Variants in UBP1 observed in about 807,000 individuals in gnomAD.
UBP1 encodes the protein upstream-binding protein 1.
A neutral mutation model predicts 76.1 loss-of-function variants in UBP1; 22 were observed. That is an observed-to-expected ratio of 0.29 (90% CI 0.21 to 0.41). UBP1 has a LOEUF of 0.41. Among genes scored for constraint, UBP1 ranks in the 10% least tolerant of loss-of-function variants. UBP1 has a pLI of 1.00. For missense variants in UBP1, 436 were observed against 668.1 expected, an observed-to-expected ratio of 0.65 and a Z score of 3.83; for synonymous variants, 224 against 237.1, an observed-to-expected ratio of 0.94 and a Z score of 0.51.
At chr3:33,434,159 C>A (rs1018036972) in intron 1 of UBP1, among the ~76,000 whole-genome samples, 7 of 151,964 alleles carry the variant, frequency 4.6e-5, no homozygotes, top group Admixed American at 1.3e-4. Flanking sequence ...GGCGGGGGAA[C>A]CCTAATTTTA....
At chr3:33,390,645 C>CAT (rs1458690449) in intron 15 of UBP1, 2 of 496,306 alleles carry the variant, frequency 4.0e-6, no homozygotes, top group Non-Finnish European at 7.3e-6. Context: ...GGACATCTAT[C>CAT]AAGACACACA....
chr3:33,390,658 A>C, intron 15 of UBP1: 3 of 459,950 alleles, frequency 6.5e-6, no homozygotes, highest in South Asian at 2.6e-5. Context: ...GACACACAAT[A>C]ATAGTGCTGT....
At chr3:33,439,714 C>A in intron 1 of UBP1, 22 bp downstream of exon 1, 1 of 1,609,258 alleles carries the variant, frequency 6.2e-7, no homozygotes, top group African/African-American at 1.3e-5. Context: ...AGAGGCTTCT[C>A]CCCGCCCAGG....
chr3:33,411,090 A>AAAAAAAAAAAAG (rs1559680570), intron 5 of UBP1, among the ~76,000 whole-genome samples: 1 of 151,520 alleles, frequency 6.6e-6, no homozygotes, highest in African/African-American at 2.4e-5. Flanking sequence ...AAAAAAAAAA[A>AAAAAAAAAAAAG]GTGCTCCAAG....
At chr3:33,428,784 A>G (rs971090896) in intron 1 of UBP1, among the ~76,000 whole-genome samples, 2 of 149,774 alleles carry the variant, frequency 1.3e-5, no homozygotes, top group African/African-American at 4.9e-5. Context: ...TTTCAACCAA[A>G]GTCCTTACGA....
Position 33,402,896 on chromosome 3 carries a change from C to T in UBP1, c.936G>A (p.Pro312=), listed in dbSNP as rs771118733. Reference sequence around the variant, plus strand: ...CATAGGCTGTGGGGGCATCGGGCCACGGAGAACACTAAGGACAGAAACAGA... The same window carrying T: ...CATAGGCTGTGGGGGCATCGGGCCATGGAGAACACTAAGGACAGAAACAGA... ...DSLAKRGSCS[P]WPDAPTAYVN... The change falls in exon 9 of 16, where the codon CCG becomes CCA. Residue 312 remains proline (P), a synonymous_variant. Transcript: ENST00000283629. 2.5e-5 allele frequency: 41 copies of T among 1,608,026 alleles called. No individual in the cohort carries two copies. The highest frequency in any genetic ancestry group is 1.0e-4 in the South Asian group (9 of 89,796).
At chr3:33,397,392 C>G in intron 11 of UBP1, 1 of 298,280 alleles carries the variant, frequency 3.4e-6, no homozygotes, top group South Asian at 1.2e-4. Context: ...GAGAGCAGGG[C>G]CTAAAGAACT....
rs2045260909 is a variant in UBP1, at chr3:33,439,733, T to TA, written c.113+2dup. 6.2e-7 allele frequency: 1 copy of TA among 1,611,340 alleles called. No individual in the cohort carries two copies. Among genetic ancestry groups the TA allele is most frequent in the Non-Finnish European group, 8.5e-7 (1 of 1,179,160 alleles). ...GCTTCTCCCCGCCCAGGGAGCCCAG[T>TA]ACCTCATGCTGTAAGCGCCGGCGCC... On this transcript the variant is annotated splice_region_variant and intron_variant, in intron 1 of 15. Coordinates refer to ENST00000283629, the MANE Select transcript of UBP1 (RefSeq NM_014517.5).
At chr3:33,416,977 C>T in intron 2 of UBP1, 143 bp from the exon 3 acceptor site, 1 of 646,242 alleles carries the variant, frequency 1.5e-6, no homozygotes, top group Non-Finnish European at 2.7e-6. Flanking sequence ...TCAGGTTGAT[C>T]CTTCTCTTCC....
At chr3:33,406,402 A>G (rs1285552873) in intron 8 of UBP1, among the ~76,000 whole-genome samples, 1 of 152,192 alleles carries the variant, frequency 6.6e-6, no homozygotes, top group Non-Finnish European at 1.5e-5. Flanking sequence ...CACCTCTACT[A>G]TCTGAAAGAT....
intron 10 of UBP1, 24 bp downstream of exon 10, chr3:33,400,938 T>C (rs1384023305): frequency 6.3e-7 from 1 of 1,589,312 alleles, no homozygotes; most frequent in Non-Finnish European, 8.5e-7. Context: ...AAGCATCAGA[T>C]AGTTTTAGGA....
chr3:33,411,733 C>T (rs772453591), intron 4 of UBP1, 46 bp from the exon 5 acceptor site: 15 of 1,458,276 alleles, frequency 1.0e-5, no homozygotes, highest in Non-Finnish European at 1.3e-5. Flanking sequence ...CTTTAAATAA[C>T]TTAAAAAACT....
rs748002314 is a variant in UBP1, at chr3:33,397,144, G to A, written c.1181-9C>T. ...TTTTAATAAGTCGGCACCTAGAGAAGAGCAAAAATATTTTTCTCAAATAAA... is the reference window on the plus strand; with the variant it reads ...TTTTAATAAGTCGGCACCTAGAGAAAAGCAAAAATATTTTTCTCAAATAAA... On this transcript the variant is annotated splice_polypyrimidine_tract_variant and intron_variant, in intron 11 of 15. Coordinates refer to ENST00000283629, the MANE Select transcript of UBP1 (RefSeq NM_014517.5). 1.3e-5 allele frequency: 20 copies of A among 1,565,762 alleles called. No homozygotes were observed. Among genetic ancestry groups the A allele is most frequent in the East Asian group, 9.0e-5 (4 of 44,560 alleles).
chr3:33,390,499 C>T, intron 15 of UBP1, 131 bp from the exon 16 acceptor site: 1 of 946,830 alleles, frequency 1.1e-6, no homozygotes, highest in South Asian at 1.6e-5. Context: ...TCTAGAGAAA[C>T]AAGCAGATTA....
At position 33,388,531 on chromosome 3, in the gene UBP1, T is replaced by G. The variant is rs976062502; in HGVS notation, c.*1800A>C. The G allele has an allele frequency of 6.6e-6, 1 of 152,612 alleles. No homozygotes were observed. The highest frequency in any genetic ancestry group is 2.4e-5 in the African/African-American group (1 of 41,440). The allele number at this position is 152,612 out of a possible 1,614,324, so 9.5% of individuals were successfully genotyped here. A position where few individuals can be genotyped will look rare whatever the true frequency, so the allele number is the denominator to read the frequency against. The stretch of plus-strand genomic sequence containing the variant: ...TTTTTACCCCGCTTCTAAAACCTGA[T>G]GAGGAATTCAAAATAAGCACACAGC... On this transcript the variant is annotated 3_prime_UTR_variant, in exon 16 of 16. Transcript: ENST00000283629.
At chr3:33,402,288 C>A (rs2044258501) in intron 9 of UBP1, among the ~76,000 whole-genome samples, 1 of 152,116 alleles carries the variant, frequency 6.6e-6, no homozygotes, top group South Asian at 2.1e-4. Context: ...GGCTGGATAA[C>A]AGAATAAAGA....
Position 33,439,941 on chromosome 3 carries a change from G to T in UBP1, c.-93C>A. The T allele has an allele frequency of 7.1e-7, 1 of 1,417,938 alleles. No homozygotes were observed. The highest frequency in any genetic ancestry group is 9.7e-7 in the Non-Finnish European group (1 of 1,034,786). The allele number at this position is 1,417,938 out of a possible 1,614,324, so 87.8% of individuals were successfully genotyped here. ...CTGGCGCGTCCTGGGGGAGGGCGCG[G>T]GTGAAGCCTCCGGAGGGGCGGCGAG... On this transcript the variant is annotated 5_prime_UTR_variant, in exon 1 of 16. Transcript: ENST00000283629.
At chr3:33,425,292 T>C (rs1320591693) in intron 2 of UBP1, among the ~76,000 whole-genome samples, 2 of 152,312 alleles carry the variant, frequency 1.3e-5, no homozygotes, top group South Asian at 2.1e-4. Context: ...AAGTTCCATA[T>C]TGAAATCACT....
chr3:33,423,437 A>G (rs1357307291), intron 2 of UBP1, among the ~76,000 whole-genome samples: 1 of 152,254 alleles, frequency 6.6e-6, no homozygotes, highest in African/African-American at 2.4e-5. Flanking sequence ...GAAAAAATCA[A>G]GAAATAAATG....
Sources: allele counts gnomAD v4.1 joint callset (sites outside exome capture counted in the v4.1 genomes callset), GRCh38; gene constraint gnomAD v4.1.1; transcripts MANE v1.5; gene names NCBI Gene and HGNC (gene_info 2026-07-23, HGNC 2026-07-21).